Variants in RANBP9 observed in about 807,000 individuals in gnomAD.
The protein encoded by RANBP9 is RAN binding protein 9.
RANBP9 carries 15 observed loss-of-function variants against 84.3 expected under a neutral mutation model. The observed-to-expected ratio is 0.18, with a 90% CI of 0.12 to 0.27. The LOEUF is 0.27. Among genes scored for constraint, RANBP9 ranks in the 10% least tolerant of loss-of-function variants. RANBP9 has a pLI of 1.00. For missense variants in RANBP9, 809 were observed against 912.8 expected, an observed-to-expected ratio of 0.89 and a Z score of 1.46; for synonymous variants, 392 against 349.6, an observed-to-expected ratio of 1.12 and a Z score of -1.35.
chr6:13,642,560 A>G lies in RANBP9; in HGVS notation c.1144T>C (p.Tyr382His), dbSNP rs1405532173. 1 of 1,610,860 alleles carries G rather than the reference A, an allele frequency of 6.2e-7. No homozygotes were observed. The highest frequency in any genetic ancestry group is 1.3e-5 in the African/African-American group (1 of 74,794). Residue 382 changes from tyrosine (Y) to histidine (H), a missense_variant, in exon 7 of 14, where the codon TAC (tyrosine) becomes CAC (histidine). Physicochemically the swap from Tyr to His is moderately conservative, Grantham distance 83. This residue lies in a region of RANBP9 where 216 missense variants were observed against 329.0 expected (regional missense o/e 0.66). Transcript: ENST00000011619. Reference sequence around the variant, plus strand: ...GCAAAGGCCTCTGCTGTGGCACAGTACCCATGGTGGACTAAATAAGATGAA... The same window carrying G: ...GCAAAGGCCTCTGCTGTGGCACAGTGCCCATGGTGGACTAAATAAGATGAA... ...MVSSYLVHHG[Y>H]CATAEAFARS...
Position 13,644,605 on chromosome 6 carries a change from G to C in RANBP9, c.1052C>G (p.Ala351Gly). 1.2e-6 allele frequency: 2 copies of C among 1,613,502 alleles called. No individual in the cohort carries two copies. Among genetic ancestry groups the C allele is most frequent in the Non-Finnish European group, 1.7e-6 (2 of 1,179,728 alleles). Reference protein sequence around the residue: ...YMREWRTKIQAQIDRFPIGDR... With the variant: ...YMREWRTKIQGQIDRFPIGDR... ...TCCGATAGGAAATCGATCTATCTGT[G>C]CCTGGATTTTGGTTCTCCACTCCCG... The change falls in exon 6 of 14, where the codon GCA (alanine) becomes GGA (glycine). Residue 351 changes from alanine to glycine, a missense_variant. Coordinates refer to ENST00000011619, the MANE Select transcript of RANBP9 (RefSeq NM_005493.3).
chr6:13,679,111 A>C (rs1039937798), intron 2 of RANBP9, among the ~76,000 whole-genome samples: 3 of 152,244 alleles, frequency 2.0e-5, no homozygotes, highest in Middle Eastern at 3.4e-3. Context: ...GCAGCTACTT[A>C]TCTCTCTCTA....
chr6:13,654,937 G>A (rs978322505), intron 4 of RANBP9, among the ~76,000 whole-genome samples: 2 of 152,182 alleles, frequency 1.3e-5, no homozygotes, highest in Non-Finnish European at 2.9e-5. Flanking sequence ...ACATACTATT[G>A]CAGTTTAGTC....
intron 1 of RANBP9, among the ~76,000 whole-genome samples, chr6:13,703,551 AG>A (rs1758028334): frequency 6.6e-6 from 1 of 152,218 alleles, no homozygotes; most frequent in African/African-American, 2.4e-5. Context: ...GATTCAACAC[AG>A]GTTAGCACCT....
chr6:13,641,091 A>G, intron 8 of RANBP9, 108 bp downstream of exon 8: 1 of 687,876 alleles, frequency 1.5e-6, no homozygotes. Context: ...ATATACTTGA[A>G]AAACGAAAAA....
chr6:13,639,978 C>T (rs535606175), intron 8 of RANBP9, among the ~76,000 whole-genome samples: 14 of 152,142 alleles, frequency 9.2e-5, no homozygotes, highest in East Asian at 3.9e-4. Context: ...AATATTACCC[C>T]CTTTAATCAG....
chr6:13,686,111 C>G (rs1305325114), intron 2 of RANBP9, among the ~76,000 whole-genome samples: 1 of 2,116 alleles, frequency 4.7e-4, no homozygotes, highest in Non-Finnish European at 7.4e-4. Flanking sequence ...CCCCCCCCCC[C>G]CCCCGCCCCC....
chr6:13,675,570 A>G lies in RANBP9; in HGVS notation c.684-16738T>C, dbSNP rs540322232. On this transcript the variant is annotated intron_variant, in intron 2 of 13. Transcript: ENST00000011619. Reference sequence around the variant, plus strand: ...ATGATTTAACTTTCCGCCTTAGGAAACTGGAGCAATAAATACAAACCTAGA... The same window carrying G: ...ATGATTTAACTTTCCGCCTTAGGAAGCTGGAGCAATAAATACAAACCTAGA... 3.9e-5 allele frequency among the ~76,000 whole-genome samples: 6 copies of G among 152,212 alleles called. No homozygotes were observed. The East Asian group carries it at 1.2e-3, about 29-fold the overall frequency.
chr6:13,709,524 A>G (rs1397679566), intron 1 of RANBP9, among the ~76,000 whole-genome samples: 3 of 152,284 alleles, frequency 2.0e-5, no homozygotes, highest in African/African-American at 7.2e-5. Flanking sequence ...CACACAAATT[A>G]AAACATAAAA....
At chr6:13,651,635 C>T (rs373340237) in intron 5 of RANBP9, among the ~76,000 whole-genome samples, 58 of 151,962 alleles carry the variant, frequency 3.8e-4, no homozygotes, top group African/African-American at 1.2e-3. Flanking sequence ...CTCCTGACCT[C>T]GTGATCCGCC....
At chr6:13,653,992 T>C (rs1351944019) in intron 4 of RANBP9, among the ~76,000 whole-genome samples, 1 of 152,092 alleles carries the variant, frequency 6.6e-6, no homozygotes, top group Non-Finnish European at 1.5e-5. Context: ...TAATATACTA[T>C]AAACTATACA....
At chr6:13,660,863 C>G (rs1271635756) in intron 2 of RANBP9, among the ~76,000 whole-genome samples, 1 of 152,004 alleles carries the variant, frequency 6.6e-6, no homozygotes, top group Non-Finnish European at 1.5e-5. Context: ...GCTAGAAGTA[C>G]AATATAAAAT....
At chr6:13,699,126 A>G (rs959745351) in intron 1 of RANBP9, among the ~76,000 whole-genome samples, 1 of 152,222 alleles carries the variant, frequency 6.6e-6, no homozygotes, top group Non-Finnish European at 1.5e-5. Context: ...CAGAAAAAAA[A>G]ATAAAATGTT....
intron 1 of RANBP9, among the ~76,000 whole-genome samples, chr6:13,698,799 AAG>A (rs1757901512): frequency 6.6e-6 from 1 of 152,182 alleles, no homozygotes; most frequent in East Asian, 1.9e-4. Flanking sequence ...AACTCGCCCA[AAG>A]TCATACTGCT....
chr6:13,704,523 C>T (rs1008516092), intron 1 of RANBP9, among the ~76,000 whole-genome samples: 1 of 151,822 alleles, frequency 6.6e-6, no homozygotes, highest in Non-Finnish European at 1.5e-5. Context: ...TGCAGCTATT[C>T]AGGATGCTGA....
rs1241519016 is a variant in RANBP9 at position 13,634,525 on chromosome 6, G to C, written c.1701C>G (p.His567Gln). Residue 567 changes from histidine to glutamine, a missense_variant, in exon 11 of 14, where the codon CAC becomes CAG. His to Gln is a conservative substitution (Grantham distance 24, BLOSUM62 0). Coordinates refer to ENST00000011619, the MANE Select transcript of RANBP9 (RefSeq NM_005493.3). ...AAGTTTCTCCAACTCCATTGGAGTA[G>C]TGATCTGTTTCCATGTCTACATCAT... is the stretch of plus-strand genomic sequence containing the variant. Reference protein sequence around the residue: ...TSNDVDMETDHYSNGVGETSS... With the variant: ...TSNDVDMETDQYSNGVGETSS... The C allele has an allele frequency of 5.6e-6, 9 of 1,612,638 alleles. No homozygotes were observed. The highest frequency in any genetic ancestry group is 5.9e-6 in the Non-Finnish European group (7 of 1,178,904).
intron 12 of RANBP9, among the ~76,000 whole-genome samples, chr6:13,632,118 CTTTTTTTTTTTTTTTTTTTTTTTTTTTT>C (rs752500098): frequency 5.2e-4 from 39 of 74,962 alleles, no homozygotes; most frequent in South Asian, 3.9e-3. Context: ...GGATTTAATC[CTTTTTTTTTTTTTTTTTTTTTTTTTTTT>C]TTTTTTTTTT....
At chr6:13,639,975 C>A (rs1378162001) in intron 8 of RANBP9, among the ~76,000 whole-genome samples, 1 of 152,058 alleles carries the variant, frequency 6.6e-6, no homozygotes, top group Non-Finnish European at 1.5e-5. Flanking sequence ...AATAATATTA[C>A]CCCCTTTAAT....
In RANBP9 at chr6:13,659,242, C is replaced by CA. The variant is rs1562308368; in HGVS notation, c.684-411_684-410insT. Among the ~76,000 whole-genome samples, 67 of 105,846 alleles carry CA rather than the reference C, an allele frequency of 6.3e-4. No homozygotes were observed. In the East Asian group the frequency reaches 0.011, roughly 17 times the overall value. The allele number at this position is 105,846 out of a possible 152,430, so 69.4% of individuals were successfully genotyped here. A position where few individuals can be genotyped will look rare whatever the true frequency, so the allele number is the denominator to read the frequency against. On this transcript the variant is annotated intron_variant, in intron 2 of 13. Coordinates refer to ENST00000011619, the MANE Select transcript of RANBP9 (RefSeq NM_005493.3). ...AAGGGACACAGTACAAATTTAGACC[C>CA]CACACACACACACATACACACACAC...
Sources: allele counts gnomAD v4.1 joint callset (sites outside exome capture counted in the v4.1 genomes callset), GRCh38; gene constraint gnomAD v4.1.1; regional missense constraint gnomAD v4.1.1; transcripts MANE v1.5; gene names NCBI Gene and HGNC (gene_info 2026-07-23, HGNC 2026-07-21).